GTF2A1: variants seen among roughly 807,000 people sequenced by gnomAD.
GTF2A1 encodes general transcription factor IIA subunit 1.
In GTF2A1, 12 loss-of-function variants were observed where a neutral mutation model predicts 54.1. The ratio of observed to expected loss-of-function variants is 0.22; its 90% CI spans 0.14 to 0.36. GTF2A1 has a LOEUF of 0.36. Ranked by LOEUF, GTF2A1 falls within the 10% of genes least tolerant of loss-of-function variation. The probability of loss-of-function intolerance (pLI) is 1.00; values close to 1 mark genes in which losing one functional copy is unlikely to be tolerated. For synonymous variants in GTF2A1, 145 were observed against 152.0 expected, an observed-to-expected ratio of 0.95 and a Z score of 0.34; for missense variants, 335 against 442.2, an observed-to-expected ratio of 0.76 and a Z score of 2.17.
At chr14:81,217,016 G>C (rs990649090) in intron 1 of GTF2A1, among the ~76,000 whole-genome samples, 5 of 152,184 alleles carry the variant, frequency 3.3e-5, no homozygotes, top group Non-Finnish European at 5.9e-5. Flanking sequence ...GTACTTTCAA[G>C]CTGTACCATT....
chr14:81,219,302 T>G (rs1180536103), intron 1 of GTF2A1, among the ~76,000 whole-genome samples: 1 of 152,122 alleles, frequency 6.6e-6, no homozygotes, highest in Non-Finnish European at 1.5e-5. Flanking sequence ...AACTGAGCTC[T>G]GCACACGCCT....
At chr14:81,197,183 G>C (rs557238893) in intron 5 of GTF2A1, 2 of 421,234 alleles carry the variant, frequency 4.7e-6, no homozygotes, top group Admixed American at 8.1e-5. Flanking sequence ...GGGTTATCAT[G>C]CACAGATCAA....
intron 2 of GTF2A1, among the ~76,000 whole-genome samples, chr14:81,209,061 G>A (rs1267728369): frequency 1.3e-5 from 2 of 152,126 alleles, no homozygotes; most frequent in Non-Finnish European, 2.9e-5. Context: ...AGGTACGATT[G>A]GTTTTGAAAT....
intron 4 of GTF2A1, among the ~76,000 whole-genome samples, chr14:81,200,214 C>G (rs1243409471): frequency 4.6e-5 from 7 of 152,122 alleles, no homozygotes; most frequent in Admixed American, 4.6e-4. Flanking sequence ...AGGAGGAAGT[C>G]ATCTGTCTAG....
intron 4 of GTF2A1, among the ~76,000 whole-genome samples, chr14:81,200,350 G>C (rs1378056293): frequency 6.6e-6 from 1 of 152,116 alleles, no homozygotes; most frequent in Non-Finnish European, 1.5e-5. Context: ...GAGGCTGGGC[G>C]TGGTGGCTCA....
chr14:81,199,411 A>C (rs1893056784), intron 4 of GTF2A1, among the ~76,000 whole-genome samples: 3 of 152,224 alleles, frequency 2.0e-5, no homozygotes, highest in Admixed American at 1.3e-4. Flanking sequence ...AAAGAACCGA[A>C]AACAATGGTT....
At position 81,192,688 on chromosome 14, in the gene GTF2A1, T is replaced by G; in HGVS notation, c.764A>C (p.Gln255Pro). 1 of 1,614,236 alleles carries G rather than the reference T, an allele frequency of 6.2e-7. No homozygotes were observed. Among genetic ancestry groups the G allele is most frequent in the Non-Finnish European group, 8.5e-7 (1 of 1,180,014 alleles). Residue 255 changes from glutamine to proline, a missense_variant, in exon 7 of 9, where the codon CAG (glutamine) becomes CCG (proline). By Grantham distance (76) the Gln-to-Pro change is moderately conservative. Transcript: ENST00000553612. ...AGCAGGCTGGGCCTGCGGTTGCTGC[T>G]GGCCAGTTGCAGTTATCTGTGCTTG... ...PAQAQITATG[Q>P]QQPQAQPAQT... is the part of the protein sequence containing the mutation.
intron 6 of GTF2A1, 69 bp from the exon 7 acceptor site, chr14:81,192,908 AC>A: frequency 1.2e-6 from 1 of 869,282 alleles, no homozygotes; most frequent in Non-Finnish European, 1.8e-6. Context: ...AGAAATAGAA[AC>A]AAATGCTTAA....
chr14:81,200,860 T>C (rs1893090363), intron 4 of GTF2A1, among the ~76,000 whole-genome samples: 1 of 146,664 alleles, frequency 6.8e-6, no homozygotes, highest in Admixed American at 6.9e-5. Context: ...ACTACTCTAA[T>C]CTGACTATAT....
chr14:81,180,058 T>C lies in GTF2A1; in HGVS notation c.*165A>G, dbSNP rs988463410. The C allele has an allele frequency of 4.1e-6, 1 of 245,108 alleles. No homozygotes were observed. The highest frequency in any genetic ancestry group is 7.8e-6 in the Non-Finnish European group (1 of 128,520). The allele number at this position is 245,108 out of a possible 1,614,324, so 15.2% of individuals were successfully genotyped here. On this transcript the variant is annotated 3_prime_UTR_variant, in exon 9 of 9. Transcript: ENST00000553612. ...AGTTCCATGGCTTGCCAGTAAGTAG[T>C]GTCTATGTTGTCAAGGTCTATCTTT...
At chr14:81,193,811 C>T (rs892697205) in intron 6 of GTF2A1, among the ~76,000 whole-genome samples, 1 of 152,100 alleles carries the variant, frequency 6.6e-6, no homozygotes, top group African/African-American at 2.4e-5. Flanking sequence ...GGACTAGATG[C>T]TTGTTACTTG....
chr14:81,219,569 C>T (rs1190746387), intron 1 of GTF2A1, among the ~76,000 whole-genome samples: 1 of 152,206 alleles, frequency 6.6e-6, no homozygotes, highest in Non-Finnish European at 1.5e-5. Context: ...GAGTCGCCAA[C>T]GGTACGGTGT....
Position 81,203,914 on chromosome 14 carries a change from G to C in GTF2A1, c.323C>G (p.Pro108Arg). Reference sequence around the variant, plus strand: ...TCCAGTCTCACCTTGCTGTGATGCAGGAATAAGAACCTGCTGGGTCTGCGC... The same window carrying C: ...TCCAGTCTCACCTTGCTGTGATGCACGAATAAGAACCTGCTGGGTCTGCGC... ...QQAQTQQVLI[P>R]ASQQATAPQV... The change falls in exon 3 of 9, where the codon CCT (proline) becomes CGT (arginine). Residue 108 changes from proline (P) to arginine (R), a missense_variant. Pro to Arg is a moderately radical substitution (Grantham distance 103). Around this residue, in one of 2 missense-constraint regions of GTF2A1, gnomAD observed 306 missense variants for 360.4 expected, o/e 0.85. Transcript: ENST00000553612. The C allele has an allele frequency of 6.2e-7, 1 of 1,613,646 alleles. No individual in the cohort carries two copies. The highest frequency in any genetic ancestry group is 2.2e-5 in the East Asian group (1 of 44,886).
In GTF2A1 at chr14:81,211,875, T is replaced by TTATATATATATATATATATATATA. The variant is rs757044041; in HGVS notation, c.132+4514_132+4537dup. On this transcript the variant is annotated intron_variant, in intron 2 of 8. Transcript: ENST00000553612. ...ACATAATTAGAGTGTATCAAGTACTTTATATATATATATATATATATATAT... is the reference window on the plus strand; with the variant it reads ...ACATAATTAGAGTGTATCAAGTACTTTATATATATATATATATATATATATATATATATATATATATATATATAT... 1.7e-3 allele frequency among the ~76,000 whole-genome samples: 114 copies of TTATATATATATATATATATATATA among 68,392 alleles called. 2 individuals are homozygous for TTATATATATATATATATATATATA. Among genetic ancestry groups the TTATATATATATATATATATATATA allele is most frequent in the Non-Finnish European group, 2.2e-3 (68 of 30,640 alleles). 44.9% of individuals were successfully genotyped at this position (68,392 alleles called of 152,430 possible).
At chr14:81,218,487 G>T (rs958061677) in intron 1 of GTF2A1, among the ~76,000 whole-genome samples, 2 of 152,118 alleles carry the variant, frequency 1.3e-5, no homozygotes, top group African/African-American at 4.8e-5. Flanking sequence ...ACTAATTTTT[G>T]AAAAGTATGT....
At chr14:81,208,722 C>G (rs548068908) in intron 2 of GTF2A1, among the ~76,000 whole-genome samples, 2 of 152,208 alleles carry the variant, frequency 1.3e-5, no homozygotes, top group Non-Finnish European at 2.9e-5. Flanking sequence ...TGCCCAAGAC[C>G]GTGGGAACCC....
rs372469518 is a variant in GTF2A1, at chr14:81,220,882, C to A, written c.-364G>T. 29 of 251,826 alleles carry A rather than the reference C, an allele frequency of 1.2e-4. No individual in the cohort carries two copies. The East Asian group carries it at 1.9e-3, about 17-fold the overall frequency. 15.6% of individuals were successfully genotyped at this position (251,826 alleles called of 1,614,324 possible). On this transcript the variant is annotated 5_prime_UTR_variant, in exon 1 of 9. Coordinates refer to ENST00000553612, the MANE Select transcript of GTF2A1 (RefSeq NM_015859.4). ...CGGCTGCAGCTCCAGCCGTCCGGTC[C>A]GCCCGCTTCTCTCCTTTATATAGCG...
Position 81,197,230 on chromosome 14 carries a change from CT to C in GTF2A1, c.478+178del. On this transcript the variant is annotated intron_variant, in intron 5 of 8. Coordinates refer to ENST00000553612, the MANE Select transcript of GTF2A1 (RefSeq NM_015859.4). The stretch of plus-strand genomic sequence containing the variant: ...CAATTTTCATCTTCTTTACTGTATC[CT>C]CAACAACGATTACAGTTATATGTGT... The C allele has an allele frequency of 7.8e-6, 4 of 515,684 alleles. No homozygotes were observed. In the East Asian group the frequency reaches 1.3e-4, roughly 16 times the overall value. The allele number at this position is 515,684 out of a possible 1,614,324, so 31.9% of individuals were successfully genotyped here. A position where few individuals can be genotyped will look rare whatever the true frequency, so the allele number is the denominator to read the frequency against.
chr14:81,192,802 G>A lies in GTF2A1; in HGVS notation c.650C>T (p.Thr217Ile). The A allele has an allele frequency of 6.2e-7, 1 of 1,613,060 alleles. No homozygotes were observed. Among genetic ancestry groups the A allele is most frequent in the Non-Finnish European group, 8.5e-7 (1 of 1,179,018 alleles). ...TTGCTGAGGCTGGATGATGACACCTGTCTGTGGTGAAATCCCTCCAGGAAG... is the reference window on the plus strand; with the variant it reads ...TTGCTGAGGCTGGATGATGACACCTATCTGTGGTGAAATCCCTCCAGGAAG... ...APLPGGISPQTGVIIQPQQIL... is the reference protein window; with the variant it reads ...APLPGGISPQIGVIIQPQQIL... The change falls in exon 7 of 9, where the codon ACA (threonine) becomes ATA (isoleucine). Residue 217 changes from threonine (T) to isoleucine (I), a missense_variant. Physicochemically the swap from Thr to Ile is moderately conservative, Grantham distance 89. Transcript: ENST00000553612.
Sources: allele counts gnomAD v4.1 joint callset (sites outside exome capture counted in the v4.1 genomes callset), GRCh38; gene constraint gnomAD v4.1.1; regional missense constraint gnomAD v4.1.1; transcripts MANE v1.5; gene names NCBI Gene and HGNC (gene_info 2026-07-23, HGNC 2026-07-21).